The following DLC1 variants were observed in gnomAD, a reference collection of about 807,000 sequenced individuals.
DLC1 encodes the protein rho GTPase-activating protein 7.
Under a neutral mutation model 140.3 loss-of-function variants are expected in DLC1, and 54 were observed. The observed-to-expected ratio is 0.38, with a 90% CI of 0.31 to 0.48. The LOEUF is 0.48. DLC1 is among the 20% of genes least tolerant of loss of function. DLC1 has a pLI of 0.96. For missense variants in DLC1, 2,536 were observed against 1,907.0 expected (o/e 1.33, Z -6.14); for synonymous variants, 986 against 728.1 (o/e 1.35, Z -5.70).
chr8:13,249,896 C>T (rs1829930253), intron 5 of DLC1, among the ~76,000 whole-genome samples: 1 of 152,174 alleles, frequency 6.6e-6, no homozygotes, highest in African/African-American at 2.4e-5. Flanking sequence ...CACACTTGCC[C>T]ATATCTTGTC....
chr8:13,227,656 T>C (rs992745151), intron 5 of DLC1, among the ~76,000 whole-genome samples: 1 of 152,206 alleles, frequency 6.6e-6, no homozygotes, highest in Non-Finnish European at 1.5e-5. Context: ...CCGTAGACCC[T>C]ATATTAATGC....
At chr8:13,393,268 G>T (rs1037657018) in intron 4 of DLC1, among the ~76,000 whole-genome samples, 2 of 151,918 alleles carry the variant, frequency 1.3e-5, no homozygotes, top group African/African-American at 4.8e-5. Flanking sequence ...TCCAGATTTT[G>T]CATTCTTGGC....
intron 5 of DLC1, among the ~76,000 whole-genome samples, chr8:13,214,020 G>A (rs1828070742): frequency 6.6e-6 from 1 of 152,186 alleles, no homozygotes; most frequent in Admixed American, 6.5e-5. Flanking sequence ...CTGATCTCAA[G>A]TGATCCGTCC....
In DLC1 at chr8:13,305,384, T is replaced by C. The variant is rs959642282; in HGVS notation, c.1315-82A>G. On this transcript the variant is annotated intron_variant, in intron 4 of 17. Coordinates refer to ENST00000276297, the MANE Select transcript of DLC1 (RefSeq NM_182643.3). ...CATTAGAAATAAAACGAAGTGTAAT[T>C]AATGACGCAAAAATTAAATAGAGAA... 3 of 1,405,204 alleles carry C rather than the reference T, an allele frequency of 2.1e-6. No homozygotes were observed. The African/African-American group carries it at 4.3e-5, about 20-fold the overall frequency. 87.0% of individuals were successfully genotyped at this position (1,405,204 alleles called of 1,614,324 possible).
At chr8:13,191,876 C>A (rs1826773772) in intron 5 of DLC1, among the ~76,000 whole-genome samples, 1 of 151,800 alleles carries the variant, frequency 6.6e-6, no homozygotes, top group African/African-American at 2.4e-5. Flanking sequence ...ATGACTCTGA[C>A]CTCTCTCGTC....
At chr8:13,489,335 C>T (rs191047104) in intron 2 of DLC1, among the ~76,000 whole-genome samples, 1 of 119,154 alleles carries the variant, frequency 8.4e-6, no homozygotes, top group East Asian at 3.1e-4. Flanking sequence ...TTTGTCAGTC[C>T]CCGCCCCCGG....
chr8:13,086,427 G>A lies in DLC1; in HGVS notation c.4329C>T (p.Ala1443=), dbSNP rs554464013. 10 of 1,614,224 alleles carry A rather than the reference G, an allele frequency of 6.2e-6. No homozygotes were observed. The African/African-American group carries it at 6.7e-5, about 11-fold the overall frequency. ...WRTNLPKGAC[A]LLLTSVDHDR... ...CGTGATCCACAGAGGTTAGTAAAAG[G>A]GCACAGGCTCCTTTGGGTAAATTAG... Residue 1443 remains alanine, a synonymous_variant, in exon 17 of 18, where the codon GCC becomes GCT. Transcript: ENST00000276297.
chr8:13,589,916 A>C (rs1805460642), intron 1 of DLC1, among the ~76,000 whole-genome samples: 1 of 151,932 alleles, frequency 6.6e-6, no homozygotes, highest in African/African-American at 2.4e-5. Flanking sequence ...AAACTGCACC[A>C]AATATGTTCA....
chr8:13,544,980 C>A (rs1049124384), intron 1 of DLC1, among the ~76,000 whole-genome samples: 2 of 152,090 alleles, frequency 1.3e-5, no homozygotes. Context: ...TAATAGCACC[C>A]CCCCTGGAAC....
At position 13,208,796 on chromosome 8, in the gene DLC1, T is replaced by A. The variant is rs149590970; in HGVS notation, c.1349-93139A>T. ...CACACTTCTAATAAATGCTAAGAAG[T>A]AAGATAGTTTTACAAGCAATTCCTT... On this transcript the variant is annotated intron_variant, in intron 5 of 17. Transcript: ENST00000276297. Among the ~76,000 whole-genome samples, 477 of 149,948 alleles carry A rather than the reference T, an allele frequency of 3.2e-3. 2 individuals carry two copies. The highest frequency in any genetic ancestry group is 0.011 in the African/African-American group (469 of 40,910).
intron 5 of DLC1, among the ~76,000 whole-genome samples, chr8:13,247,826 A>C (rs1462359266): frequency 6.6e-6 from 1 of 152,176 alleles, no homozygotes; most frequent in East Asian, 1.9e-4. Flanking sequence ...TTCCTAACCA[A>C]ACCATGTGAT....
intron 1 of DLC1, among the ~76,000 whole-genome samples, chr8:13,565,067 T>G (rs1319488843): frequency 4.6e-5 from 7 of 152,214 alleles, no homozygotes; most frequent in African/African-American, 1.7e-4. Context: ...ATGAATCTTA[T>G]TTGATAAATA....
intron 1 of DLC1, among the ~76,000 whole-genome samples, chr8:13,550,027 A>T (rs1053018667): frequency 1.3e-5 from 2 of 151,884 alleles, no homozygotes; most frequent in African/African-American, 4.8e-5. Flanking sequence ...CATCCTTGAG[A>T]CTCCCAGACT....
At chr8:13,116,005 G>A (rs367806588) in intron 5 of DLC1, 82 of 379,684 alleles carry the variant, frequency 2.2e-4, no homozygotes, top group African/African-American at 1.7e-3. Context: ...CTCATTTGAA[G>A]CCTGGCCGGC....
Position 13,500,173 on chromosome 8 carries a change from G to A in DLC1, c.-102C>T, listed in dbSNP as rs563466262. On this transcript the variant is annotated 5_prime_UTR_variant, in exon 2 of 18. Transcript: ENST00000276297. ...TTTCAAAATCACCAATCAAAGAAGC[G>A]AATGAGTTCTGTCATTTCACCACCT... 90 of 1,083,434 alleles carry A rather than the reference G, an allele frequency of 8.3e-5. No homozygotes were observed. Among genetic ancestry groups the A allele is most frequent in the South Asian group, 4.9e-4 (29 of 59,784 alleles). The allele number at this position is 1,083,434 out of a possible 1,614,324, so 67.1% of individuals were successfully genotyped here. A position where few individuals can be genotyped will look rare whatever the true frequency, so the allele number is the denominator to read the frequency against.
At chr8:13,560,263 C>T (rs763392243) in intron 1 of DLC1, among the ~76,000 whole-genome samples, 1 of 152,036 alleles carries the variant, frequency 6.6e-6, no homozygotes, top group Non-Finnish European at 1.5e-5. Flanking sequence ...CTGAAATATA[C>T]CAATCTGAAA....
intron 5 of DLC1, among the ~76,000 whole-genome samples, chr8:13,268,635 G>C (rs1208943656): frequency 1.3e-5 from 2 of 152,162 alleles, no homozygotes; most frequent in East Asian, 3.9e-4. Context: ...CTTCCACCTT[G>C]GTCTCCAAAA....
chr8:13,394,183 T>C (rs1836908432), intron 3 of DLC1, among the ~76,000 whole-genome samples: 1 of 152,246 alleles, frequency 6.6e-6, no homozygotes, highest in Non-Finnish European at 1.5e-5. Context: ...TGGTGACAGC[T>C]ATTACGGTGG....
rs184238009 is a variant in DLC1 at position 13,087,151 on chromosome 8, G to A, written c.4293-688C>T. ...GTGGGTGGCCCATGCCTGTAATCCCGGCGCTTTGGGAGGTTGAGGTAGGAG... is the reference window on the plus strand; with the variant it reads ...GTGGGTGGCCCATGCCTGTAATCCCAGCGCTTTGGGAGGTTGAGGTAGGAG... On this transcript the variant is annotated intron_variant, in intron 16 of 17. Coordinates refer to ENST00000276297, the MANE Select transcript of DLC1 (RefSeq NM_182643.3). Among the ~76,000 whole-genome samples, 46 of 152,114 alleles carry A rather than the reference G, an allele frequency of 3.0e-4. No individual in the cohort carries two copies. In the East Asian group the frequency reaches 5.8e-3, roughly 19 times the overall value.
Sources: allele counts gnomAD v4.1 joint callset (sites outside exome capture counted in the v4.1 genomes callset), GRCh38; gene constraint gnomAD v4.1.1; transcripts MANE v1.5; gene names NCBI Gene and HGNC (gene_info 2026-07-23, HGNC 2026-07-21).